PUS10: variants seen among roughly 807,000 people sequenced by gnomAD.
PUS10 encodes tRNA pseudouridine synthase Pus10.
PUS10 carries 59 observed loss-of-function variants against 75.0 expected under a neutral mutation model. The ratio of observed to expected loss-of-function variants is 0.79; its 90% CI spans 0.64 to 0.98. PUS10 has a LOEUF of 0.98. Ranked by LOEUF, PUS10 falls within the 50% of genes least tolerant of loss-of-function variation. The pLI is 0.00. For synonymous variants in PUS10, 219 were observed against 211.6 expected (o/e 1.03, Z -0.30); for missense variants, 650 against 614.4 (o/e 1.06, Z -0.61).
At chr2:60,970,969 C>T (rs188210129) in intron 5 of PUS10, among the ~76,000 whole-genome samples, 1 of 152,206 alleles carries the variant, frequency 6.6e-6, no homozygotes, top group East Asian at 1.9e-4. Context: ...CACCTGAGAT[C>T]AGGAGTTCAA....
At chr2:60,946,723 G>A (rs1674963653) in intron 16 of PUS10, among the ~76,000 whole-genome samples, 1 of 152,138 alleles carries the variant, frequency 6.6e-6, no homozygotes, top group South Asian at 2.1e-4. Context: ...GGCAGGGGAA[G>A]AAGTGAATGC....
At chr2:60,968,487 C>A (rs1054696564) in intron 5 of PUS10, among the ~76,000 whole-genome samples, 1 of 151,926 alleles carries the variant, frequency 6.6e-6, no homozygotes, top group Non-Finnish European at 1.5e-5. Flanking sequence ...CCTTTTAATG[C>A]CCAATTTTCA....
intron 14 of PUS10, among the ~76,000 whole-genome samples, chr2:60,953,326 A>G (rs562089326): frequency 6.6e-6 from 1 of 152,288 alleles, no homozygotes; most frequent in South Asian, 2.1e-4. Flanking sequence ...GAAACTTTGT[A>G]CCCATTAGTG....
intron 3 of PUS10, 59 bp downstream of exon 3, chr2:61,008,702 G>T: frequency 1.5e-6 from 2 of 1,297,608 alleles, no homozygotes; most frequent in African/African-American, 1.5e-5. Context: ...AAGAATTCTT[G>T]GTTTTAAGAC....
chr2:61,010,635 T>G, intron 2 of PUS10: 1 of 861,406 alleles, frequency 1.2e-6, no homozygotes, highest in Non-Finnish European at 1.7e-6. Context: ...AATTTCTGGT[T>G]TTCAAAGTGT....
chr2:61,017,892 G>T (rs1471428715), intron 1 of PUS10, 116 bp downstream of exon 1: 2 of 1,533,232 alleles, frequency 1.3e-6, no homozygotes, highest in Admixed American at 3.9e-5. Context: ...TAGTGGGCCC[G>T]AGCGGGGACT....
chr2:61,017,949 C>G, intron 1 of PUS10, 59 bp downstream of exon 1: 1 of 1,376,026 alleles, frequency 7.3e-7, no homozygotes, highest in Non-Finnish European at 1.0e-6. Flanking sequence ...ATTCCCTTCC[C>G]CCCTTTAACC....
rs570202278 is a variant in PUS10 at position 60,944,458 on chromosome 2, ATGAAGAAACACC to A, written c.1551+539_1551+550del. On this transcript the variant is annotated intron_variant, in intron 17 of 17. Transcript: ENST00000316752. ...GTACTCTATTCCTAGTCAGATTTTCATGAAGAAACACCACTCGTGACTCAACACCTATTGATA... is the reference window on the plus strand; with the variant it reads ...GTACTCTATTCCTAGTCAGATTTTCAACTCGTGACTCAACACCTATTGATA... Among the ~76,000 whole-genome samples the A allele has an allele frequency of 3.9e-4, 59 of 152,322 alleles. 1 individual carries two copies. The South Asian group carries it at 0.011, about 28-fold the overall frequency.
At chr2:61,007,227 T>A (rs141089263) in intron 3 of PUS10, among the ~76,000 whole-genome samples, 9,112 of 89,352 alleles carry the variant, frequency 0.1, 851 homozygotes, top group African/African-American at 0.4. Context: ...TTTTTTTTTT[T>A]TAAAAAAAAG....
intron 15 of PUS10, among the ~76,000 whole-genome samples, chr2:60,950,975 A>T (rs763419598): frequency 3.9e-5 from 6 of 152,120 alleles, no homozygotes; most frequent in Non-Finnish European, 7.3e-5. Flanking sequence ...ACTCTCCTCC[A>T]CTCCAACCCA....
intron 1 of PUS10, chr2:61,017,622 C>T: frequency 1.6e-6 from 1 of 629,624 alleles, no homozygotes. Context: ...CAAAGTAACT[C>T]AAGCCTTGTC....
chr2:60,963,846 G>A (rs1286022880), intron 8 of PUS10, among the ~76,000 whole-genome samples: 2 of 152,092 alleles, frequency 1.3e-5, no homozygotes, highest in African/African-American at 4.8e-5. Flanking sequence ...CCAATGGTGT[G>A]GTGTCTATGA....
rs1053798563 is a variant in PUS10 at position 60,961,675 on chromosome 2, C to A, written c.789-127G>T. 3 of 786,574 alleles carry A rather than the reference C, an allele frequency of 3.8e-6. No homozygotes were observed. In the African/African-American group the frequency reaches 5.2e-5, roughly 14 times the overall value. The allele number at this position is 786,574 out of a possible 1,614,324, so 48.7% of individuals were successfully genotyped here. A position where few individuals can be genotyped will look rare whatever the true frequency, so the allele number is the denominator to read the frequency against. ...CTCTCTCTAACTTTTAGTTTCGCAA[C>A]AATACAGGTCTTGCAGGCCTGTGGA... On this transcript the variant is annotated intron_variant, in intron 9 of 17. Coordinates refer to ENST00000316752, the MANE Select transcript of PUS10 (RefSeq NM_144709.4).
intron 4 of PUS10, among the ~76,000 whole-genome samples, chr2:60,972,158 C>T (rs1310864176): frequency 3.5e-5 from 5 of 141,258 alleles, no homozygotes; most frequent in East Asian, 2.3e-4. Flanking sequence ...CGTGAGCCAC[C>T]GCGCCCAGCC....
At position 60,962,831 on chromosome 2, in the gene PUS10, G is replaced by C. The variant is rs1260611445; in HGVS notation, c.783C>G (p.Phe261Leu). The C allele has an allele frequency of 1.3e-6, 2 of 1,582,414 alleles. No individual in the cohort carries two copies. Among genetic ancestry groups the C allele is most frequent in the South Asian group, 2.3e-5 (2 of 87,470 alleles). ...KALNKIKEED[F>L]LKQFPCPPNS... Reference sequence around the variant, plus strand: ...GTTTCTAAACTTCTACTTACTTAAGGAAATCCTCTTCCTTTATCTTATTCA... The same window carrying C: ...GTTTCTAAACTTCTACTTACTTAAGCAAATCCTCTTCCTTTATCTTATTCA... The change falls in exon 9 of 18, where the codon TTC becomes TTG. Residue 261 changes from phenylalanine to leucine, a missense_variant. By Grantham distance (22) the Phe-to-Leu change is conservative. Coordinates refer to ENST00000316752, the MANE Select transcript of PUS10 (RefSeq NM_144709.4).
intron 4 of PUS10, among the ~76,000 whole-genome samples, chr2:60,975,907 A>T (rs948192267): frequency 6.6e-6 from 1 of 151,798 alleles, no homozygotes; most frequent in Non-Finnish European, 1.5e-5. Flanking sequence ...GAGTACAGGC[A>T]CCCGCCACCA....
rs1351704766 is a variant in PUS10, at chr2:61,017,869, C to A, written c.-16+139G>T. ...ACTTTCCAGTGAGTGTGGGATTCTT[C>A]AGGCTGTGAGTTTAGTGGGCCCGAG... On this transcript the variant is annotated intron_variant, in intron 1 of 17. Transcript: ENST00000316752. The A allele has an allele frequency of 1.9e-6, 3 of 1,548,974 alleles. No homozygotes were observed. The highest frequency in any genetic ancestry group is 2.6e-6 in the Non-Finnish European group (3 of 1,145,604).
In PUS10 at chr2:61,008,972, T is replaced by C. The variant is rs1573521206; in HGVS notation, c.170A>G (p.Asp57Gly). 1 of 1,612,556 alleles carries C rather than the reference T, an allele frequency of 6.2e-7. No homozygotes were observed. The highest frequency in any genetic ancestry group is 1.7e-5 in the Admixed American group (1 of 59,750). The change falls in exon 3 of 18, where the codon GAT becomes GGT. Residue 57 changes from aspartate (D) to glycine (G), a missense_variant. Transcript: ENST00000316752. ...ELQKFLETEK[D>G]ELILEVMNPP... ...GTTCATAACTTCCAAAATTAATTCA[T>C]CTTTTTCAGTTTCCAGAAATTTCTG...
chr2:60,961,395 A>G (rs1185072454), intron 10 of PUS10, 68 bp downstream of exon 10: 4 of 1,087,210 alleles, frequency 3.7e-6, no homozygotes, highest in Non-Finnish European at 5.7e-6. Context: ...ATAGAACAGG[A>G]GTCAGCTGAG....
Sources: gnomAD v4.1 joint callset for allele counts (sites outside exome capture counted in the v4.1 genomes callset) on GRCh38, gnomAD v4.1.1 for gene constraint, MANE v1.5 for transcripts, NCBI Gene and HGNC (gene_info 2026-07-23, HGNC 2026-07-21) for gene names.